The following NAV1 variants were observed in gnomAD, a reference collection of about 807,000 sequenced individuals.
NAV1 encodes the protein neuron navigator 1.
Under a neutral mutation model 175.2 loss-of-function variants are expected in NAV1, and 18 were observed. The ratio of observed to expected loss-of-function variants is 0.10; its 90% CI spans 0.07 to 0.15. The LOEUF (loss-of-function observed/expected upper bound fraction) is 0.15. Ranked by LOEUF, NAV1 falls within the 10% of genes least tolerant of loss-of-function variation. The probability of loss-of-function intolerance (pLI) is 1.00; values close to 1 mark genes in which losing one functional copy is unlikely to be tolerated. For synonymous variants in NAV1, 897 were observed against 978.7 expected (o/e 0.92, Z 1.56); for missense variants, 1,731 against 2,436.6 (o/e 0.71, Z 6.10).
chr1:201,605,475 G>A (rs1038878990), intron 2 of NAV1, among the ~76,000 whole-genome samples: 12 of 152,112 alleles, frequency 7.9e-5, no homozygotes, highest in Non-Finnish European at 7.4e-5. Context: ...GTCACAAATG[G>A]ACTGAACCCA....
At chr1:201,628,117 T>A (rs766999218) in intron 1 of NAV1, among the ~76,000 whole-genome samples, 64 of 142,730 alleles carry the variant, frequency 4.5e-4, no homozygotes, top group Non-Finnish European at 8.3e-4. Flanking sequence ...CCAGCCTGAG[T>A]GACACAGTGA....
chr1:201,579,093 G>A (rs1284524973), intron 1 of NAV1, among the ~76,000 whole-genome samples: 1 of 151,632 alleles, frequency 6.6e-6, no homozygotes, highest in African/African-American at 2.4e-5. Flanking sequence ...AGATCACACC[G>A]TTGCACTCTA....
rs758939945 is a variant in NAV1, at chr1:201,788,551, G to C, written c.3079G>C (p.Gly1027Arg). 1.1e-5 allele frequency: 17 copies of C among 1,613,998 alleles called. No homozygotes were observed. Among genetic ancestry groups the C allele is most frequent in the Non-Finnish European group, 1.4e-5 (17 of 1,180,028 alleles). ...CGAGGCGGCCTTCGAGCTGTACAGC[G>C]GCTCCCAAATGGGGAGCACCCTGTC... The change falls in exon 10 of 30, where the codon GGC (glycine) becomes CGC (arginine). Residue 1027 changes from glycine (G) to arginine (R), a missense_variant. Physicochemically the swap from Gly to Arg is moderately radical, Grantham distance 125. Around this residue, in one of 13 missense-constraint regions of NAV1, gnomAD observed 634 missense variants for 766.8 expected, o/e 0.83. Coordinates refer to ENST00000367296, the Ensembl canonical transcript of NAV1. This position sits in a 1 kb window ranked among gnomAD's most constrained non-coding sequence, Gnocchi z 5.7.
Position 201,740,307 on chromosome 1 carries a change from C to T in NAV1, c.1226+21552C>T, listed in dbSNP as rs372024912. On this transcript the variant is annotated intron_variant, in intron 3 of 29. Coordinates refer to ENST00000367296, the Ensembl canonical transcript of NAV1. The surrounding 1 kb of genome is among the most constrained non-coding windows in gnomAD (Gnocchi z 4.7). ...TCCTGGACGTTTGGCTTACGGGCATCTGGGGCTGGGAGTGGGTGTGTGGAG... is the reference window on the plus strand; with the variant it reads ...TCCTGGACGTTTGGCTTACGGGCATTTGGGGCTGGGAGTGGGTGTGTGGAG... 6.1e-4 allele frequency among the ~76,000 whole-genome samples: 93 copies of T among 152,322 alleles called. 1 individual carries two copies. Among genetic ancestry groups the T allele is most frequent in the African/African-American group, 1.9e-3 (81 of 41,574 alleles).
rs114871093 is a variant in NAV1 at position 201,780,517 on chromosome 1, C to T, written c.1323C>T (p.Leu441=). The T allele has an allele frequency of 1.3e-3, 2,119 of 1,614,196 alleles. 23 individuals carry two copies. In the African/African-American group the frequency reaches 0.024, roughly 18 times the overall value. ...ATGCCAGCTCCTCACTCAACTCCCT[C>T]CCAAGTACTCCCACTGCTTCTCGCA... Residue 441 remains leucine, a synonymous_variant, in exon 4 of 30, where the codon CTC becomes CTT. Transcript: ENST00000367296.
chr1:201,794,694 G>A (rs1387251196), intron 15 of NAV1, 117 bp downstream of exon 19: 3 of 917,104 alleles, frequency 3.3e-6, no homozygotes, highest in Non-Finnish European at 5.2e-6. Flanking sequence ...AGAAGGTGAG[G>A]GCCTTTAGAT....
chr1:201,702,092 T>C (rs894853521), intron 1 of NAV1, among the ~76,000 whole-genome samples: 1 of 152,212 alleles, frequency 6.6e-6, no homozygotes, highest in Non-Finnish European at 1.5e-5. Context: ...GGAGGAACCT[T>C]GAGAACGTTG....
At chr1:201,556,414 T>C (rs1423250726) in intron 1 of NAV1, among the ~76,000 whole-genome samples, 2 of 144,610 alleles carry the variant, frequency 1.4e-5, no homozygotes, top group African/African-American at 2.5e-5. Context: ...GAAGACCCTG[T>C]CTCAAAAAAG....
chr1:201,572,021 C>T (rs1008687306), intron 1 of NAV1, among the ~76,000 whole-genome samples: 4 of 152,214 alleles, frequency 2.6e-5, no homozygotes, highest in Admixed American at 1.3e-4. Flanking sequence ...CTCATCTGAT[C>T]GCTCATTCCA....
intron 3 of NAV1, among the ~76,000 whole-genome samples, chr1:201,721,963 C>T (rs1040786208): frequency 3.8e-4 from 58 of 152,190 alleles, no homozygotes; most frequent in African/African-American, 1.4e-3. Context: ...GGTCATTAGT[C>T]AGCAAACCAA....
intron 1 of NAV1, among the ~76,000 whole-genome samples, chr1:201,561,493 A>G (rs1666198883): frequency 6.6e-6 from 1 of 152,190 alleles, no homozygotes. Flanking sequence ...CTTGACTGTA[A>G]ATGAGGTAAT....
chr1:201,628,681 C>T (rs1160131342), intron 1 of NAV1, among the ~76,000 whole-genome samples: 1 of 152,160 alleles, frequency 6.6e-6, no homozygotes, highest in Non-Finnish European at 1.5e-5. Flanking sequence ...GGTGGGCGGG[C>T]CAGCTCCCAG....
intron 2 of NAV1, among the ~76,000 whole-genome samples, chr1:201,713,934 A>G (rs1360929491): frequency 6.6e-6 from 1 of 152,138 alleles, no homozygotes; most frequent in African/African-American, 2.4e-5. Context: ...CAAAGAACTC[A>G]TTACCTTTCT....
At chr1:201,794,025 A>G (rs967317360) in intron 14 of NAV1, 150 bp downstream of exon 18, 1 of 726,682 alleles carries the variant, frequency 1.4e-6, no homozygotes, top group African/African-American at 1.7e-5. Flanking sequence ...GCCCCCCAAT[A>G]CAGTGTGAGC....
intron 1 of NAV1, among the ~76,000 whole-genome samples, chr1:201,574,208 G>A (rs1420371171): frequency 1.3e-5 from 2 of 152,214 alleles, no homozygotes; most frequent in African/African-American, 2.4e-5. Context: ...CATGTAGTAA[G>A]GGAGAAAAGT....
intron 15 of NAV1, 105 bp from the exon 20 acceptor site, chr1:201,803,488 G>A (rs1377016793): frequency 8.6e-7 from 1 of 1,167,908 alleles, no homozygotes; most frequent in African/African-American, 1.6e-5. Flanking sequence ...TGATTGAGGA[G>A]TTGGTTGGTT....
At chr1:201,556,727 C>T (rs553059964) in intron 1 of NAV1, among the ~76,000 whole-genome samples, 1 of 152,310 alleles carries the variant, frequency 6.6e-6, no homozygotes, top group Admixed American at 6.5e-5. Context: ...CCAGCCCTGC[C>T]CCCTCCATAG....
rs1324973683 is a variant in NAV1, at chr1:201,819,130, C to T, written c.5539-707C>T. 2.0e-5 allele frequency among the ~76,000 whole-genome samples: 3 copies of T among 152,190 alleles called. No homozygotes were observed. The East Asian group carries it at 5.8e-4, about 29-fold the overall frequency. ...AGGTTCATAATAATACAGTGTCTAGCTGCTGGTTTATACTCTATTGGAAGG... is the reference window on the plus strand; with the variant it reads ...AGGTTCATAATAATACAGTGTCTAGTTGCTGGTTTATACTCTATTGGAAGG... On this transcript the variant is annotated intron_variant, in intron 29 of 29. Coordinates refer to ENST00000367296, the Ensembl canonical transcript of NAV1.
chr1:201,595,704 G>A (rs1367357906), intron 2 of NAV1, among the ~76,000 whole-genome samples: 1 of 152,228 alleles, frequency 6.6e-6, no homozygotes, highest in Non-Finnish European at 1.5e-5. Flanking sequence ...CCTCCAACAT[G>A]GCCACTGTCT....
Sources: allele counts gnomAD v4.1 joint callset (sites outside exome capture counted in the v4.1 genomes callset), GRCh38; gene constraint gnomAD v4.1.1; regional missense constraint gnomAD v4.1.1; non-coding constraint Gnocchi (gnomAD v3.1); transcripts MANE v1.5; gene names NCBI Gene and HGNC (gene_info 2026-07-23, HGNC 2026-07-21).